HLCS: variants seen among roughly 807,000 people sequenced by gnomAD.
HLCS encodes the protein holocarboxylase synthetase.
Under a neutral mutation model 75.0 loss-of-function variants are expected in HLCS, and 53 were observed. The observed-to-expected ratio is 0.71, with a 90% CI of 0.57 to 0.89. The LOEUF (loss-of-function observed/expected upper bound fraction) is 0.89. Among genes scored for constraint, HLCS ranks in the 40% least tolerant of loss-of-function variants. The pLI, the probability that HLCS is intolerant of heterozygous loss-of-function variation, is 0.00. For synonymous variants in HLCS, 431 were observed against 428.6 expected, an observed-to-expected ratio of 1.01 and a Z score of -0.07; for missense variants, 966 against 1,074.0, an observed-to-expected ratio of 0.90 and a Z score of 1.41.
chr21:36,824,999 A>C (rs1443078815), intron 6 of HLCS, among the ~76,000 whole-genome samples: 1 of 152,214 alleles, frequency 6.6e-6, no homozygotes, highest in Non-Finnish European at 1.5e-5. Flanking sequence ...TTTTGAAAGA[A>C]AGAAAGACTT....
intron 6 of HLCS, among the ~76,000 whole-genome samples, chr21:36,869,818 C>T (rs1262002411): frequency 6.6e-6 from 1 of 152,104 alleles, no homozygotes; most frequent in Admixed American, 6.6e-5. Flanking sequence ...ACTCACAGAA[C>T]AAATCCAACC....
chr21:36,956,378 G>A (rs569835723), intron 2 of HLCS, among the ~76,000 whole-genome samples: 1 of 152,226 alleles, frequency 6.6e-6, no homozygotes, highest in African/African-American at 2.4e-5. Flanking sequence ...CAAGGAGTAT[G>A]GTTAACCCAA....
chr21:36,855,904 T>C (rs925368266), intron 6 of HLCS, among the ~76,000 whole-genome samples: 2 of 152,134 alleles, frequency 1.3e-5, no homozygotes, highest in African/African-American at 2.4e-5. Flanking sequence ...AAAAGAGATA[T>C]GGACATGCTA....
At chr21:36,819,860 C>G (rs1012549252) in intron 6 of HLCS, among the ~76,000 whole-genome samples, 2 of 152,154 alleles carry the variant, frequency 1.3e-5, no homozygotes, top group African/African-American at 4.8e-5. Flanking sequence ...AGAAAAATAA[C>G]TAAGAAGTTG....
intron 5 of HLCS, among the ~76,000 whole-genome samples, chr21:36,902,357 AG>A (rs2146357534): frequency 6.6e-6 from 1 of 152,354 alleles, no homozygotes; most frequent in Admixed American, 6.5e-5. Flanking sequence ...GGTGGGACCT[AG>A]CACAGAAGCA....
chr21:36,885,482 T>C (rs1209583646), intron 6 of HLCS, among the ~76,000 whole-genome samples: 7 of 147,442 alleles, frequency 4.7e-5, no homozygotes, highest in Non-Finnish European at 8.9e-5. Context: ...TACTCCAGCC[T>C]GGGTGACAGA....
chr21:36,882,770 G>A (rs1267585479), intron 6 of HLCS, among the ~76,000 whole-genome samples: 1 of 151,822 alleles, frequency 6.6e-6, no homozygotes, highest in Non-Finnish European at 1.5e-5. Flanking sequence ...CCAGTCTGAG[G>A]TTTTTGTATT....
In HLCS at chr21:36,974,354, G is replaced by A. The variant is rs1385153553; in HGVS notation, c.-392-12184C>T. 3.3e-5 allele frequency: 5 copies of A among 152,350 alleles called. No homozygotes were observed. The East Asian group carries it at 9.6e-4, about 29-fold the overall frequency. 9.4% of individuals were successfully genotyped at this position (152,350 alleles called of 1,614,324 possible). On this transcript the variant is annotated intron_variant, in intron 1 of 11. Coordinates refer to the HLCS transcript ENST00000336648. ...TTGTGGACCAGAGGAGAGAGATAGA[G>A]AGGCGGCAGGAGGCAAGGGTGTGTC...
intron 6 of HLCS, among the ~76,000 whole-genome samples, chr21:36,768,634 A>G (rs1242410913): frequency 6.6e-6 from 1 of 152,190 alleles, no homozygotes; most frequent in African/African-American, 2.4e-5. Context: ...CTGTCTTCCC[A>G]CACGGCTGCT....
chr21:36,894,922 G>C (rs2064949912), intron 6 of HLCS, among the ~76,000 whole-genome samples: 1 of 151,794 alleles, frequency 6.6e-6, no homozygotes, highest in Non-Finnish European at 1.5e-5. Context: ...TATTTATACA[G>C]GTTCTTTTTT....
chr21:36,961,696 G>GT (rs1007571381), intron 2 of HLCS, among the ~76,000 whole-genome samples: 31 of 152,164 alleles, frequency 2.0e-4, no homozygotes, highest in African/African-American at 6.8e-4. Flanking sequence ...GCTCACACCT[G>GT]TAATCCCAGC....
upstream of HLCS, chr21:36,968,657 C>A (rs2068705690): frequency 6.6e-6 from 1 of 152,140 alleles, no homozygotes; most frequent in Admixed American, 6.5e-5. Flanking sequence ...CTTGGCCACT[C>A]CAGGACAACA....
intron 6 of HLCS, among the ~76,000 whole-genome samples, chr21:36,895,158 C>G (rs1236971105): frequency 6.6e-6 from 1 of 152,160 alleles, no homozygotes; most frequent in Non-Finnish European, 1.5e-5. Flanking sequence ...CTTCAGTATT[C>G]TCCACAGAAA....
intron 5 of HLCS, among the ~76,000 whole-genome samples, chr21:36,907,765 C>T (rs763853437): frequency 5.3e-5 from 8 of 151,928 alleles, no homozygotes; most frequent in African/African-American, 4.8e-5. Flanking sequence ...GACTTGTATC[C>T]GGAATATAAA....
At chr21:36,835,146 T>C (rs1222532911) in intron 6 of HLCS, among the ~76,000 whole-genome samples, 1 of 152,188 alleles carries the variant, frequency 6.6e-6, no homozygotes, top group Non-Finnish European at 1.5e-5. Context: ...GCTTCTAAGA[T>C]TTAAAGTAAA....
intron 1 of HLCS, among the ~76,000 whole-genome samples, chr21:36,981,800 C>T (rs1172196987): frequency 1.3e-5 from 2 of 152,076 alleles, no homozygotes; most frequent in Admixed American, 6.6e-5. Flanking sequence ...ACTTTCAGCA[C>T]AAAAATTTCA....
At chr21:36,792,174 A>G (rs2060886207) in intron 6 of HLCS, among the ~76,000 whole-genome samples, 1 of 151,990 alleles carries the variant, frequency 6.6e-6, no homozygotes, top group Admixed American at 6.6e-5. Context: ...CAATAGTGAA[A>G]CCTAGAAGGG....
Position 36,754,412 on chromosome 21 carries a change from T to G in HLCS, c.2456A>C (p.Gln819Pro). The G allele has an allele frequency of 6.2e-7, 1 of 1,612,276 alleles. No individual in the cohort carries two copies. The highest frequency in any genetic ancestry group is 8.5e-7 in the Non-Finnish European group (1 of 1,179,896). The change falls in exon 11 of 11, where the codon CAG becomes CCG. Residue 819 changes from glutamine (Q) to proline (P), a missense_variant. By Grantham distance (76) the Gln-to-Pro change is moderately conservative (BLOSUM62 -1). Coordinates refer to ENST00000674895, the MANE Select transcript of HLCS (RefSeq NM_001352514.2). ...LYYRYWVHSG[Q>P]QVHLGSAEGP... is the part of the protein sequence containing the mutation. ...CTCTGCGCTGCCCAGATGGACTTGC[T>G]GACCACTGAAAAGGAAGAACAGCGT...
At chr21:36,808,443 T>C (rs1003296398) in intron 6 of HLCS, among the ~76,000 whole-genome samples, 4 of 152,226 alleles carry the variant, frequency 2.6e-5, no homozygotes, top group Admixed American at 2.0e-4. Context: ...GCTTAACACA[T>C]ATTTATTTAC....
Sources: gnomAD v4.1 joint callset for allele counts (sites outside exome capture counted in the v4.1 genomes callset) on GRCh38, gnomAD v4.1.1 for gene constraint, MANE v1.5 for transcripts, NCBI Gene and HGNC (gene_info 2026-07-23, HGNC 2026-07-21) for gene names.